Variants in VPS13B observed in about 807,000 individuals in gnomAD.
VPS13B encodes the protein intermembrane lipid transfer protein VPS13B.
VPS13B carries 285 observed loss-of-function variants against 426.4 expected under a neutral mutation model. The ratio of observed to expected loss-of-function variants is 0.67; its 90% CI spans 0.61 to 0.74. VPS13B has a LOEUF of 0.74. Among genes scored for constraint, VPS13B ranks in the 30% least tolerant of loss-of-function variants. VPS13B has a pLI of 0.00. For missense variants in VPS13B, 4,537 were observed against 4,782.6 expected (o/e 0.95, Z 1.51); for synonymous variants, 1,676 against 1,676.4 (o/e 1.00, Z 0.01).
intron 33 of VPS13B, among the ~76,000 whole-genome samples, chr8:99,610,384 T>C (rs931822285): frequency 5.9e-5 from 9 of 152,198 alleles, no homozygotes; most frequent in African/African-American, 2.2e-4. Context: ...ACGTGGCACA[T>C]GTACACCATG....
intron 40 of VPS13B, among the ~76,000 whole-genome samples, chr8:99,773,063 T>A (rs1416429792): frequency 6.6e-6 from 1 of 152,206 alleles, no homozygotes; most frequent in Non-Finnish European, 1.5e-5. Context: ...AAAAGAGGAA[T>A]GGATTTTTTT....
At chr8:99,019,691 A>G (rs1181306866) in intron 2 of VPS13B, among the ~76,000 whole-genome samples, 3 of 152,176 alleles carry the variant, frequency 2.0e-5, no homozygotes, top group Non-Finnish European at 2.9e-5. Context: ...TTATGACTGT[A>G]TGAATTTGAC....
chr8:99,503,063 A>G (rs780953588), intron 27 of VPS13B, 113 bp downstream of exon 27: 1 of 745,022 alleles, frequency 1.3e-6, no homozygotes, highest in Non-Finnish European at 2.3e-6. Context: ...CTATACAGGC[A>G]TACCTCGGAC....
At chr8:99,452,852 G>A (rs1818266969) in intron 23 of VPS13B, among the ~76,000 whole-genome samples, 1 of 152,118 alleles carries the variant, frequency 6.6e-6, no homozygotes, top group South Asian at 2.1e-4. Context: ...GCTCCAATCT[G>A]TGTAGGGTGT....
chr8:99,139,261 G>A (rs1416056055), intron 12 of VPS13B, among the ~76,000 whole-genome samples: 2 of 151,962 alleles, frequency 1.3e-5, no homozygotes, highest in Non-Finnish European at 2.9e-5. Context: ...GCTGTTTTGA[G>A]ATTCATGAGA....
intron 19 of VPS13B, among the ~76,000 whole-genome samples, chr8:99,296,994 A>G (rs1231871215): frequency 6.6e-6 from 1 of 152,050 alleles, no homozygotes; most frequent in African/African-American, 2.4e-5. Flanking sequence ...TTAAGTATAA[A>G]TATTTGTGTA....
chr8:99,312,236 G>A (rs1002094245), intron 19 of VPS13B, among the ~76,000 whole-genome samples: 1 of 152,250 alleles, frequency 6.6e-6, no homozygotes, highest in South Asian at 2.1e-4. Context: ...TATTTTGCTC[G>A]TTAGTTGATG....
chr8:99,020,902 G>T (rs1390524617), intron 2 of VPS13B, among the ~76,000 whole-genome samples: 6 of 152,216 alleles, frequency 3.9e-5, no homozygotes, highest in Admixed American at 1.3e-4. Flanking sequence ...AGTTTTTTAA[G>T]TGTTAGGAAG....
intron 19 of VPS13B, among the ~76,000 whole-genome samples, chr8:99,344,026 C>A (rs190262486): frequency 6.6e-6 from 1 of 152,234 alleles, no homozygotes; most frequent in Admixed American, 6.5e-5. Context: ...CCAAAAAGAA[C>A]AAAATGACGA....
intron 36 of VPS13B, among the ~76,000 whole-genome samples, chr8:99,711,975 G>C (rs995271203): frequency 6.6e-6 from 1 of 152,134 alleles, no homozygotes; most frequent in Admixed American, 6.6e-5. Context: ...AATTAGGCCT[G>C]GTTTTAGATA....
intron 30 of VPS13B, among the ~76,000 whole-genome samples, chr8:99,521,786 T>C (rs539624471): frequency 2.6e-4 from 39 of 152,218 alleles, no homozygotes; most frequent in Non-Finnish European, 5.0e-4. Flanking sequence ...TAAATGTTAC[T>C]GCTAGGAAAA....
rs1819168429 is a variant in VPS13B, at chr8:99,467,457, A to G, written c.3489A>G (p.Ile1163Met). The G allele has an allele frequency of 6.2e-7, 1 of 1,613,760 alleles. No individual in the cohort carries two copies. The highest frequency in any genetic ancestry group is 8.5e-7 in the Non-Finnish European group (1 of 1,179,770). Residue 1163 changes from isoleucine (I) to methionine (M), a missense_variant, in exon 24 of 62, where the codon ATA (isoleucine) becomes ATG (methionine). Transcript: ENST00000357162. ...CGATCAGCTTGCATAATTTCAGCAT[A>G]TATACCCTTCTTGGAAAACAAGTGA... ...PWTISLHNFSIYTLLGKQVTL... is the reference protein window; with the variant it reads ...PWTISLHNFSMYTLLGKQVTL...
At chr8:99,093,374 T>A (rs145001776) in intron 3 of VPS13B, among the ~76,000 whole-genome samples, 6,382 of 151,804 alleles carry the variant, frequency 0.042, 168 homozygotes, top group Middle Eastern at 0.068. Context: ...TTTAAATTTT[T>A]TTTATTTATT....
At chr8:99,027,087 G>C (rs755327724) in intron 2 of VPS13B, among the ~76,000 whole-genome samples, 3 of 152,064 alleles carry the variant, frequency 2.0e-5, no homozygotes, top group Non-Finnish European at 4.4e-5. Flanking sequence ...CGTTGGCCAG[G>C]CTGGTCTTAA....
chr8:99,366,047 A>T (rs1812865681), intron 19 of VPS13B, among the ~76,000 whole-genome samples: 1 of 151,924 alleles, frequency 6.6e-6, no homozygotes, highest in African/African-American at 2.4e-5. Flanking sequence ...TCCATGTGCT[A>T]AAGAGAAGAA....
rs141184108 is a variant in VPS13B at position 99,851,579 on chromosome 8, G to A, written c.10062-1872G>A. ...TTGATGTTTGGGCGGAGACTGGAAA[G>A]CAGTAGGGGGTTAGTAATGTGACTA... On this transcript the variant is annotated intron_variant, in intron 55 of 61. Transcript: ENST00000357162. Among the ~76,000 whole-genome samples the A allele has an allele frequency of 8.5e-4, 130 of 152,254 alleles. 1 individual carries two copies. Among genetic ancestry groups the A allele is most frequent in the African/African-American group, 3.1e-3 (127 of 41,556 alleles).
At chr8:99,337,363 T>C (rs1382192282) in intron 19 of VPS13B, among the ~76,000 whole-genome samples, 2 of 75,710 alleles carry the variant, frequency 2.6e-5, no homozygotes, top group East Asian at 4.5e-4. Flanking sequence ...GGGACTGTTG[T>C]GGGGTGGGGG....
chr8:99,171,376 A>G (rs1447729195), intron 16 of VPS13B, among the ~76,000 whole-genome samples: 2 of 151,894 alleles, frequency 1.3e-5, no homozygotes, highest in East Asian at 1.9e-4. Context: ...TGTGAAAACT[A>G]TTTTCTCCGT....
chr8:99,132,973 A>G (rs1028802053), intron 8 of VPS13B, among the ~76,000 whole-genome samples: 1 of 152,190 alleles, frequency 6.6e-6, no homozygotes, highest in Non-Finnish European at 1.5e-5. Flanking sequence ...CAGAATGGTA[A>G]ATGAACACTA....
Sources: allele counts gnomAD v4.1 joint callset (sites outside exome capture counted in the v4.1 genomes callset), GRCh38; gene constraint gnomAD v4.1.1; transcripts MANE v1.5; gene names NCBI Gene and HGNC (gene_info 2026-07-23, HGNC 2026-07-21).